RBFOX1: variants seen among roughly 807,000 people sequenced by gnomAD.
RBFOX1 encodes the protein RNA binding protein fox-1 homolog 1.
RBFOX1 carries 8 observed loss-of-function variants against 57.7 expected under a neutral mutation model. The observed-to-expected ratio is 0.14, with a 90% CI of 0.08 to 0.25. The LOEUF is 0.25. RBFOX1 is among the 10% of genes least tolerant of loss of function. The pLI, the probability that RBFOX1 is intolerant of heterozygous loss-of-function variation, is 1.00. For synonymous variants in RBFOX1, 326 were observed against 222.4 expected, an observed-to-expected ratio of 1.47 and a Z score of -4.15; for missense variants, 611 against 548.5, an observed-to-expected ratio of 1.11 and a Z score of -1.14.
chr16:6,885,907 G>A (rs530851704), intron 3 of RBFOX1, among the ~76,000 whole-genome samples: 19 of 152,254 alleles, frequency 1.2e-4, no homozygotes, highest in Admixed American at 3.3e-4. Flanking sequence ...GAGAATGAAC[G>A]TTGACTTTAT....
chr16:5,596,085 T>G (rs1370741800), intron 2 of RBFOX1, among the ~76,000 whole-genome samples: 1 of 151,994 alleles, frequency 6.6e-6, no homozygotes, highest in Non-Finnish European at 1.5e-5. Context: ...GACCTCAGGC[T>G]CAGGGATGTG....
chr16:5,816,410 A>G (rs2055639615), intron 3 of RBFOX1, among the ~76,000 whole-genome samples: 1 of 152,166 alleles, frequency 6.6e-6, no homozygotes, highest in Non-Finnish European at 1.5e-5. Flanking sequence ...CTCCTTGACC[A>G]AGGATGACAC....
chr16:5,796,619 A>G (rs950393107), intron 3 of RBFOX1, among the ~76,000 whole-genome samples: 4 of 152,286 alleles, frequency 2.6e-5, no homozygotes, highest in African/African-American at 9.6e-5. Flanking sequence ...CATGAGCACT[A>G]ATTAGGCTCC....
downstream of RBFOX1, among the ~76,000 whole-genome samples, chr16:5,603,747 A>C (rs1483472430): frequency 6.6e-6 from 1 of 152,188 alleles, no homozygotes; most frequent in Non-Finnish European, 1.5e-5. Flanking sequence ...CATTGCAGTC[A>C]TCTGTGATCA....
At chr16:5,768,162 G>C (rs1479286452) in intron 3 of RBFOX1, among the ~76,000 whole-genome samples, 5 of 152,032 alleles carry the variant, frequency 3.3e-5, no homozygotes, top group Admixed American at 3.3e-4. Flanking sequence ...TGCATGTGTG[G>C]CCGCGTGAGA....
At chr16:5,329,239 G>A (rs145037268) in intron 1 of RBFOX1, among the ~76,000 whole-genome samples, 1 of 152,142 alleles carries the variant, frequency 6.6e-6, no homozygotes, top group African/African-American at 2.4e-5. Context: ...AAGAAAAGAG[G>A]TTTAATTGTC....
At chr16:7,454,724 C>A (rs1168728895) in intron 4 of RBFOX1, among the ~76,000 whole-genome samples, 1 of 152,182 alleles carries the variant, frequency 6.6e-6, no homozygotes, top group Non-Finnish European at 1.5e-5. Context: ...AAGATCCAAC[C>A]ATCTCTCGAT....
intron 2 of RBFOX1, among the ~76,000 whole-genome samples, chr16:6,331,267 G>A (rs1033255413): frequency 8.5e-5 from 13 of 152,112 alleles, no homozygotes; most frequent in African/African-American, 2.4e-4. Flanking sequence ...TCAACATGGT[G>A]AAATCCTATC....
chr16:6,434,180 C>T (rs955943398), intron 2 of RBFOX1, among the ~76,000 whole-genome samples: 3 of 152,132 alleles, frequency 2.0e-5, no homozygotes, highest in African/African-American at 7.2e-5. Flanking sequence ...ACATAAGACA[C>T]ACCTGGGTTA....
At chr16:7,321,838 A>C (rs912805903) in intron 4 of RBFOX1, among the ~76,000 whole-genome samples, 1 of 152,116 alleles carries the variant, frequency 6.6e-6, no homozygotes, top group Admixed American at 6.5e-5. Context: ...GGAGTTGAAA[A>C]TCCCACCTGT....
chr16:5,712,387 C>T lies in RBFOX1; in HGVS notation c.318+113426C>T, dbSNP rs374545011. 2.3e-4 allele frequency among the ~76,000 whole-genome samples: 35 copies of T among 152,320 alleles called. 2 individuals carry two copies. In the South Asian group the frequency reaches 7.1e-3, roughly 31 times the overall value. On this transcript the variant is annotated intron_variant, in intron 3 of 19. Transcript: ENST00000641259. ...AAGTGCTCTAAGGCTTAGGGAATTT[C>T]AGCAGCTGGTTGGCATTACAGGCTG...
chr16:6,461,871 C>T (rs1363861866), intron 2 of RBFOX1, among the ~76,000 whole-genome samples: 1 of 152,096 alleles, frequency 6.6e-6, no homozygotes, highest in Non-Finnish European at 1.5e-5. Context: ...TGGATATTTT[C>T]ATTGTTCAGT....
At chr16:7,049,480 A>C (rs1246930561) in intron 3 of RBFOX1, among the ~76,000 whole-genome samples, 2 of 152,118 alleles carry the variant, frequency 1.3e-5, no homozygotes, top group African/African-American at 2.4e-5. Context: ...AAAAAAGAAC[A>C]ATGGGGATTT....
chr16:7,497,054 T>G (rs1042006913), intron 4 of RBFOX1, among the ~76,000 whole-genome samples: 1 of 152,114 alleles, frequency 6.6e-6, no homozygotes, highest in Non-Finnish European at 1.5e-5. Flanking sequence ...CCTTTTCCTG[T>G]CTCCAGCCTA....
chr16:6,780,413 TATATATTTATATATATTTATAG>T (rs1454611807), intron 3 of RBFOX1, among the ~76,000 whole-genome samples: 10 of 114,486 alleles, frequency 8.7e-5, no homozygotes, highest in Non-Finnish European at 1.6e-4. Context: ...TATATATTTA[TATATATTTATATATATTTATAG>T]ATATATTTAT....
intron 3 of RBFOX1, among the ~76,000 whole-genome samples, chr16:6,863,670 T>TAAAAAA (rs71408411): frequency 8.5e-5 from 9 of 105,546 alleles, no homozygotes; most frequent in East Asian, 5.8e-4. Context: ...TTTTTTTCCT[T>TAAAAAA]AAAAAAAAAA....
chr16:6,761,757 G>A (rs552092722), intron 3 of RBFOX1, among the ~76,000 whole-genome samples: 7 of 151,266 alleles, frequency 4.6e-5, no homozygotes, highest in African/African-American at 9.7e-5. Flanking sequence ...CACCTGCCTC[G>A]GCCCCCTAAA....
At chr16:7,351,431 C>CT (rs1433197935) in intron 4 of RBFOX1, among the ~76,000 whole-genome samples, 1 of 152,168 alleles carries the variant, frequency 6.6e-6, no homozygotes, top group South Asian at 2.1e-4. Flanking sequence ...AGCTTTGATT[C>CT]TTTTTTTAGT....
chr16:6,720,098 G>A (rs975398292), intron 3 of RBFOX1, among the ~76,000 whole-genome samples: 1 of 151,836 alleles, frequency 6.6e-6, no homozygotes, highest in Admixed American at 6.6e-5. Context: ...CATCTGAAAA[G>A]AATAAAATAA....
Sources: gnomAD v4.1 joint callset for allele counts (sites outside exome capture counted in the v4.1 genomes callset) on GRCh38, gnomAD v4.1.1 for gene constraint, MANE v1.5 for transcripts, NCBI Gene and HGNC (gene_info 2026-07-23, HGNC 2026-07-21) for gene names.